Variants in PIP4K2A observed in about 807,000 individuals in gnomAD.
The protein encoded by PIP4K2A is phosphatidylinositol 5-phosphate 4-kinase type-2 alpha.
Under a neutral mutation model 42.9 loss-of-function variants are expected in PIP4K2A, and 14 were observed. The ratio of observed to expected loss-of-function variants is 0.33; its 90% CI spans 0.22 to 0.51. PIP4K2A has a LOEUF of 0.51. Ranked by LOEUF, PIP4K2A falls within the 20% of genes least tolerant of loss-of-function variation. The probability of loss-of-function intolerance (pLI) is 0.97; values close to 1 mark genes in which losing one functional copy is unlikely to be tolerated. For missense variants in PIP4K2A, 434 were observed against 519.8 expected, an observed-to-expected ratio of 0.83 and a Z score of 1.61; for synonymous variants, 192 against 192.2, an observed-to-expected ratio of 1.00 and a Z score of 0.01.
At chr10:22,603,691 TGACTG>T (rs1837844869) in intron 3 of PIP4K2A, among the ~76,000 whole-genome samples, 1 of 152,166 alleles carries the variant, frequency 6.6e-6, no homozygotes, top group African/African-American at 2.4e-5. Flanking sequence ...ACAAATACTT[TGACTG>T]GATAATTATG....
At chr10:22,559,561 C>A (rs76310149) in intron 6 of PIP4K2A, among the ~76,000 whole-genome samples, 3 of 152,160 alleles carry the variant, frequency 2.0e-5, no homozygotes, top group Admixed American at 6.5e-5. Flanking sequence ...TTACCAGTTA[C>A]GAGATATTCT....
intron 1 of PIP4K2A, among the ~76,000 whole-genome samples, chr10:22,633,378 T>C (rs1838594477): frequency 6.6e-6 from 1 of 152,242 alleles, no homozygotes; most frequent in Admixed American, 6.5e-5. Context: ...AGCCTTTCTG[T>C]AGAACACACT....
At chr10:22,591,524 GTTC>G (rs1837510412) in intron 4 of PIP4K2A, 102 bp downstream of exon 4, 2 of 882,974 alleles carry the variant, frequency 2.3e-6, no homozygotes, top group Non-Finnish European at 3.5e-6. Flanking sequence ...TGTGAAATGT[GTTC>G]TTCTTGTTCT....
chr10:22,548,389 G>A (rs1190289638), intron 7 of PIP4K2A, among the ~76,000 whole-genome samples: 2 of 152,138 alleles, frequency 1.3e-5, no homozygotes, highest in Admixed American at 6.5e-5. Flanking sequence ...CTGTAAATTT[G>A]AACTGCTTGA....
At chr10:22,654,087 C>A (rs1839045756) in intron 1 of PIP4K2A, among the ~76,000 whole-genome samples, 1 of 152,068 alleles carries the variant, frequency 6.6e-6, no homozygotes, top group Admixed American at 6.5e-5. Context: ...GAAAGGAAAC[C>A]CTGCAGTGAG....
intron 3 of PIP4K2A, among the ~76,000 whole-genome samples, chr10:22,597,966 C>A (rs1178318480): frequency 1.3e-5 from 2 of 152,006 alleles, no homozygotes; most frequent in Non-Finnish European, 2.9e-5. Context: ...GAAATCCACC[C>A]AGGCTTTGGA....
At chr10:22,573,666 C>A (rs1837042810) in intron 4 of PIP4K2A, among the ~76,000 whole-genome samples, 1 of 152,226 alleles carries the variant, frequency 6.6e-6, no homozygotes, top group South Asian at 2.1e-4. Context: ...AATTTTATCT[C>A]CAAACAGATT....
chr10:22,652,406 C>A (rs1839014814), intron 1 of PIP4K2A, among the ~76,000 whole-genome samples: 1 of 152,158 alleles, frequency 6.6e-6, no homozygotes, highest in South Asian at 2.1e-4. Flanking sequence ...CAAGTGTGAG[C>A]CACCATGCCA....
At chr10:22,575,214 ACT>A (rs1345843043) in intron 4 of PIP4K2A, among the ~76,000 whole-genome samples, 2 of 152,074 alleles carry the variant, frequency 1.3e-5, no homozygotes, top group Admixed American at 1.3e-4. Flanking sequence ...TTCATTCAAA[ACT>A]CTGTTAAGAA....
chr10:22,550,855 G>C (rs1484743106), intron 6 of PIP4K2A, 83 bp from the exon 7 acceptor site: 1 of 833,804 alleles, frequency 1.2e-6, no homozygotes, highest in African/African-American at 1.7e-5. Flanking sequence ...CCTGGACACT[G>C]AAGTTTGCCC....
intron 1 of PIP4K2A, among the ~76,000 whole-genome samples, chr10:22,622,680 T>C (rs1838357280): frequency 6.6e-6 from 1 of 152,236 alleles, no homozygotes; most frequent in African/African-American, 2.4e-5. Context: ...CCGGGACAAG[T>C]CGTCTGTCTT....
rs139569990 is a variant in PIP4K2A, at chr10:22,688,148, C to T, written c.144+26035G>A. On this transcript the variant is annotated intron_variant, in intron 1 of 9. Coordinates refer to ENST00000376573, the MANE Select transcript of PIP4K2A (RefSeq NM_005028.5). ...TATTCAGTTCACATTTTATTAGAGACGAGTAAAGGGTCCACCAAAGTGACA... is the reference window on the plus strand; with the variant it reads ...TATTCAGTTCACATTTTATTAGAGATGAGTAAAGGGTCCACCAAAGTGACA... Among the ~76,000 whole-genome samples the T allele has an allele frequency of 4.8e-3, 733 of 152,032 alleles. 5 individuals carry two copies. The highest frequency in any genetic ancestry group is 0.017 in the African/African-American group (691 of 41,456).
chr10:22,547,427 T>C (rs185698718), intron 7 of PIP4K2A, among the ~76,000 whole-genome samples: 28 of 152,170 alleles, frequency 1.8e-4, no homozygotes, highest in Admixed American at 1.8e-3. Flanking sequence ...TTACATAGGG[T>C]CTCTGGGCTC....
chr10:22,615,163 G>A (rs770542971), intron 1 of PIP4K2A, among the ~76,000 whole-genome samples: 3 of 152,102 alleles, frequency 2.0e-5, no homozygotes, highest in South Asian at 2.1e-4. Context: ...CTGGAGTGCA[G>A]GGGCATGATC....
intron 6 of PIP4K2A, among the ~76,000 whole-genome samples, chr10:22,558,957 C>T (rs1836618759): frequency 6.6e-6 from 1 of 152,076 alleles, no homozygotes; most frequent in Non-Finnish European, 1.5e-5. Flanking sequence ...TATTTTATGA[C>T]AACTCTATGT....
chr10:22,554,507 T>C (rs531395859), intron 6 of PIP4K2A, among the ~76,000 whole-genome samples: 1 of 152,278 alleles, frequency 6.6e-6, no homozygotes, highest in East Asian at 1.9e-4. Context: ...TTAATGAGTG[T>C]CTTTGATATC....
intron 1 of PIP4K2A, among the ~76,000 whole-genome samples, chr10:22,659,927 C>G (rs1839170893): frequency 6.6e-6 from 1 of 152,146 alleles, no homozygotes; most frequent in African/African-American, 2.4e-5. Flanking sequence ...TGAGGCAGGG[C>G]TGGCTATCTT....
chr10:22,684,352 G>A (rs185687261), intron 1 of PIP4K2A, among the ~76,000 whole-genome samples: 35 of 151,896 alleles, frequency 2.3e-4, no homozygotes, highest in Non-Finnish European at 4.7e-4. Context: ...TTTTTTCTTT[G>A]ATTGCCACTG....
intron 5 of PIP4K2A, 119 bp from the exon 6 acceptor site, chr10:22,568,008 C>T: frequency 1.1e-6 from 1 of 890,194 alleles, no homozygotes; most frequent in Non-Finnish European, 1.9e-6. Context: ...CTCTGCTTCG[C>T]AGCCCATGCG....
Sources: allele counts gnomAD v4.1 joint callset (sites outside exome capture counted in the v4.1 genomes callset), GRCh38; gene constraint gnomAD v4.1.1; transcripts MANE v1.5; gene names NCBI Gene and HGNC (gene_info 2026-07-23, HGNC 2026-07-21).